Variants in SUPT3H observed in about 807,000 individuals in gnomAD.
SUPT3H encodes transcription initiation protein SPT3 homolog.
Under a neutral mutation model 44.3 loss-of-function variants are expected in SUPT3H, and 44 were observed. The observed-to-expected ratio is 0.99, with a 90% CI of 0.78 to 1.28. SUPT3H has a LOEUF of 1.28. Among genes scored for constraint, SUPT3H ranks in the 50% most tolerant of loss-of-function variants. The pLI, the probability that SUPT3H is intolerant of heterozygous loss-of-function variation, is 0.00. For missense variants in SUPT3H, 380 were observed against 387.1 expected, an observed-to-expected ratio of 0.98 and a Z score of 0.15; for synonymous variants, 124 against 125.6, an observed-to-expected ratio of 0.99 and a Z score of 0.09.
At chr6:45,320,288 G>A (rs797000269) in intron 2 of SUPT3H, among the ~76,000 whole-genome samples, 1 of 152,128 alleles carries the variant, frequency 6.6e-6, no homozygotes, top group Admixed American at 6.5e-5. Flanking sequence ...TTTTGAGACA[G>A]GGCTTTGCTC....
chr6:44,970,585 T>C (rs1269325035), intron 6 of SUPT3H, among the ~76,000 whole-genome samples: 1 of 152,146 alleles, frequency 6.6e-6, no homozygotes, highest in Admixed American at 6.5e-5. Flanking sequence ...TTTTTTTTTT[T>C]TGGTGATTTT....
chr6:44,888,237 A>G (rs1762658299), intron 10 of SUPT3H, among the ~76,000 whole-genome samples: 1 of 152,180 alleles, frequency 6.6e-6, no homozygotes, highest in Non-Finnish European at 1.5e-5. Context: ...TCAACAGAAA[A>G]AGAGGGAATC....
At chr6:45,300,873 A>C (rs1293285903) in intron 2 of SUPT3H, among the ~76,000 whole-genome samples, 1 of 152,132 alleles carries the variant, frequency 6.6e-6, no homozygotes, top group Non-Finnish European at 1.5e-5. Flanking sequence ...AACTGCTCTT[A>C]GTAAAAAATT....
chr6:45,377,287 C>G (rs575833199), intron 1 of SUPT3H: 1 of 152,348 alleles, frequency 6.6e-6, no homozygotes, highest in South Asian at 2.1e-4. Context: ...ATAATTTCCC[C>G]AGGGGTCACA....
intron 3 of SUPT3H, among the ~76,000 whole-genome samples, chr6:45,090,882 T>C (rs1414365984): frequency 6.6e-6 from 1 of 151,878 alleles, no homozygotes; most frequent in East Asian, 1.9e-4. Flanking sequence ...TATCATCAAA[T>C]CTTACATCGA....
chr6:45,221,278 A>C (rs1766010923), intron 2 of SUPT3H, among the ~76,000 whole-genome samples: 1 of 152,150 alleles, frequency 6.6e-6, no homozygotes, highest in Admixed American at 6.5e-5. Flanking sequence ...GTAAATGACG[A>C]GTTAATGGGT....
At chr6:44,954,685 T>G in intron 7 of SUPT3H, 78 bp from the exon 8 acceptor site, 1 of 781,920 alleles carries the variant, frequency 1.3e-6, no homozygotes, top group Non-Finnish European at 2.2e-6. Context: ...ATCACAAAAT[T>G]AAAAAAGTAT....
intron 3 of SUPT3H, among the ~76,000 whole-genome samples, chr6:45,068,084 C>A (rs58293242): frequency 0.5 from 67,856 of 136,666 alleles, 16,377 homozygotes; most frequent in East Asian, 0.69. Flanking sequence ...CAATGATAGA[C>A]TGGATTAAGA....
At chr6:44,835,662 G>C (rs1430436475) in intron 10 of SUPT3H, among the ~76,000 whole-genome samples, 2 of 152,124 alleles carry the variant, frequency 1.3e-5, no homozygotes, top group Non-Finnish European at 2.9e-5. Flanking sequence ...ACTCAGTTGA[G>C]CCACCGTTGG....
chr6:45,213,141 T>G (rs1359074271), intron 2 of SUPT3H, among the ~76,000 whole-genome samples: 3 of 152,168 alleles, frequency 2.0e-5, no homozygotes, highest in Non-Finnish European at 4.4e-5. Context: ...AAGAGTGACA[T>G]GAGTCTAAGT....
chr6:45,182,823 A>G (rs1813525157), intron 2 of SUPT3H, among the ~76,000 whole-genome samples: 1 of 152,226 alleles, frequency 6.6e-6, no homozygotes, highest in Non-Finnish European at 1.5e-5. Context: ...AACAAAAAGG[A>G]AAATAACAAG....
intron 2 of SUPT3H, among the ~76,000 whole-genome samples, chr6:45,231,886 G>T (rs1389703723): frequency 6.6e-6 from 1 of 151,998 alleles, no homozygotes; most frequent in Non-Finnish European, 1.5e-5. Context: ...AAGCTTTCGA[G>T]TGTATTTTGT....
chr6:45,159,602 G>C (rs1808607152), intron 2 of SUPT3H: 1 of 152,136 alleles, frequency 6.6e-6, no homozygotes, highest in African/African-American at 2.4e-5. Context: ...TTTCTGAACA[G>C]TCAGAGATCC....
chr6:44,988,962 C>T (rs1342188441), intron 6 of SUPT3H, among the ~76,000 whole-genome samples: 3 of 151,944 alleles, frequency 2.0e-5, no homozygotes, highest in Non-Finnish European at 2.9e-5. Context: ...GAATTTATTA[C>T]GAATGAATTG....
intron 2 of SUPT3H, among the ~76,000 whole-genome samples, chr6:45,362,932 TTTTAA>T (rs894403545): frequency 4.0e-5 from 6 of 151,626 alleles, no homozygotes; most frequent in Non-Finnish European, 5.9e-5. Flanking sequence ...ACTCTACAGC[TTTTAA>T]TTTAATTTTT....
At chr6:44,951,353 C>T (rs991216181) in intron 9 of SUPT3H, among the ~76,000 whole-genome samples, 1 of 151,594 alleles carries the variant, frequency 6.6e-6, no homozygotes, top group African/African-American at 2.4e-5. Flanking sequence ...ACAAAATATC[C>T]TGTCTCCCTG....
chr6:45,122,610 A>G (rs1801832188), intron 2 of SUPT3H, among the ~76,000 whole-genome samples: 1 of 152,196 alleles, frequency 6.6e-6, no homozygotes, highest in East Asian at 1.9e-4. Flanking sequence ...CTTTAAGGAT[A>G]AATCACCATA....
intron 2 of SUPT3H, among the ~76,000 whole-genome samples, chr6:45,120,014 T>G (rs1029360560): frequency 6.6e-6 from 1 of 152,120 alleles, no homozygotes; most frequent in Admixed American, 6.6e-5. Context: ...ACCACTGAAC[T>G]GATTCAAATG....
intron 6 of SUPT3H, among the ~76,000 whole-genome samples, chr6:44,965,610 A>G (rs911429964): frequency 4.6e-5 from 7 of 152,084 alleles, no homozygotes; most frequent in Admixed American, 4.6e-4. Flanking sequence ...AAAATGGAAC[A>G]AATTTTGGCC....
Sources: gnomAD v4.1 joint callset for allele counts (sites outside exome capture counted in the v4.1 genomes callset) on GRCh38, gnomAD v4.1.1 for gene constraint, MANE v1.5 for transcripts, NCBI Gene and HGNC (gene_info 2026-07-23, HGNC 2026-07-21) for gene names.